The following DAB1 variants were observed in gnomAD, a reference collection of about 807,000 sequenced individuals.
DAB1 encodes disabled homolog 1.
DAB1 carries 15 observed loss-of-function variants against 64.6 expected under a neutral mutation model. The ratio of observed to expected loss-of-function variants is 0.23; its 90% CI spans 0.16 to 0.36. The LOEUF (loss-of-function observed/expected upper bound fraction) is 0.36. Among genes scored for constraint, DAB1 ranks in the 10% least tolerant of loss-of-function variants. The pLI is 1.00. For missense variants in DAB1, 596 were observed against 706.7 expected (o/e 0.84, Z 1.78); for synonymous variants, 235 against 251.9 (o/e 0.93, Z 0.64).
chr1:57,615,572 C>T (rs945868989), intron 7 of DAB1, among the ~76,000 whole-genome samples: 5 of 152,292 alleles, frequency 3.3e-5, no homozygotes, highest in South Asian at 4.1e-4. Context: ...CTACTTGGAA[C>T]TGTAACTAAT....
At chr1:58,148,525 T>C (rs1194701954) in intron 5 of DAB1, among the ~76,000 whole-genome samples, 2 of 152,240 alleles carry the variant, frequency 1.3e-5, no homozygotes, top group African/African-American at 2.4e-5. Context: ...TCGATCATTG[T>C]ATTAGTCCAT....
intron 2 of DAB1, among the ~76,000 whole-genome samples, chr1:57,146,504 G>A (rs1659150809): frequency 6.6e-6 from 1 of 152,098 alleles, no homozygotes; most frequent in South Asian, 2.1e-4. Context: ...AGATAATTCA[G>A]CCTGTTTCCC....
At chr1:58,535,469 G>C (rs890497210) in intron 1 of DAB1, among the ~76,000 whole-genome samples, 1 of 151,832 alleles carries the variant, frequency 6.6e-6, no homozygotes, top group Non-Finnish European at 1.5e-5. Context: ...GGTGGCGCAC[G>C]CCTGTAGTCC....
chr1:58,500,446 T>C (rs553644903), intron 3 of DAB1, among the ~76,000 whole-genome samples: 19 of 152,306 alleles, frequency 1.2e-4, no homozygotes, highest in African/African-American at 4.6e-4. Context: ...ATTTACTTTG[T>C]CCAATTATAA....
intron 1 of DAB1, among the ~76,000 whole-genome samples, chr1:57,379,996 T>C (rs1424284043): frequency 9.2e-5 from 14 of 152,238 alleles, no homozygotes; most frequent in Admixed American, 9.2e-4. Flanking sequence ...GTGTGGCACA[T>C]AGTAAACACT....
intron 7 of DAB1, among the ~76,000 whole-genome samples, chr1:57,459,362 G>A (rs1433076557): frequency 1.3e-5 from 2 of 152,138 alleles, no homozygotes; most frequent in African/African-American, 4.8e-5. Context: ...GGTATTAGAT[G>A]TTTGCAGTTT....
At chr1:58,536,871 C>T (rs1054640634) in intron 1 of DAB1, 15 of 587,434 alleles carry the variant, frequency 2.6e-5, no homozygotes, top group African/African-American at 5.7e-5. Context: ...CTGAATACAT[C>T]GCTTTTCCAA....
chr1:58,070,601 A>G (rs1649174565), intron 5 of DAB1, among the ~76,000 whole-genome samples: 1 of 152,216 alleles, frequency 6.6e-6, no homozygotes, highest in Non-Finnish European at 1.5e-5. Flanking sequence ...AACTGAGTTC[A>G]TTTGAGAAGG....
chr1:57,692,105 C>T (rs1025221677), intron 6 of DAB1, among the ~76,000 whole-genome samples: 4 of 151,868 alleles, frequency 2.6e-5, no homozygotes, highest in Non-Finnish European at 4.4e-5. Context: ...TGATTGACCC[C>T]GTGGCCACAA....
intron 4 of DAB1, among the ~76,000 whole-genome samples, chr1:58,225,513 G>A (rs1050162072): frequency 3.4e-4 from 51 of 151,832 alleles, no homozygotes; most frequent in African/African-American, 8.7e-4. Context: ...ACATGCACAC[G>A]TATGTTTATT....
intron 7 of DAB1, among the ~76,000 whole-genome samples, chr1:57,496,021 A>C (rs1644225850): frequency 6.6e-6 from 1 of 152,224 alleles, no homozygotes; most frequent in Admixed American, 6.5e-5. Context: ...ACCAGATATA[A>C]GAATGATTGA....
chr1:57,905,637 G>A (rs6699475), intron 5 of DAB1, among the ~76,000 whole-genome samples: 36,253 of 152,052 alleles, frequency 0.24, 4,852 homozygotes, highest in Non-Finnish European at 0.29. Context: ...CTGGGCTAGA[G>A]ATGTAAACTT....
At chr1:57,693,443 C>T (rs1470923066) in intron 6 of DAB1, among the ~76,000 whole-genome samples, 1 of 152,180 alleles carries the variant, frequency 6.6e-6, no homozygotes, top group Non-Finnish European at 1.5e-5. Context: ...CCAATCAGCA[C>T]TCTGTGTCTA....
intron 3 of DAB1, among the ~76,000 whole-genome samples, chr1:58,427,811 G>A (rs1034246260): frequency 3.9e-5 from 6 of 152,034 alleles, no homozygotes; most frequent in Admixed American, 2.0e-4. Context: ...TCAGGGGAGA[G>A]GCCTGAAATA....
intron 6 of DAB1, among the ~76,000 whole-genome samples, chr1:57,747,282 T>C (rs1183044640): frequency 6.6e-6 from 1 of 152,008 alleles, no homozygotes; most frequent in East Asian, 1.9e-4. Flanking sequence ...CTTGGAAGAG[T>C]AGGGTTGTCC....
intron 4 of DAB1, among the ~76,000 whole-genome samples, chr1:58,193,632 G>A (rs921998684): frequency 6.6e-6 from 1 of 152,152 alleles, no homozygotes; most frequent in African/African-American, 2.4e-5. Flanking sequence ...GAGGCGGGTG[G>A]ATCACCTGAG....
intron 4 of DAB1, among the ~76,000 whole-genome samples, chr1:58,320,302 G>A (rs769999361): frequency 6.6e-6 from 1 of 152,236 alleles, no homozygotes; most frequent in Non-Finnish European, 1.5e-5. Flanking sequence ...TCAGCAGTAT[G>A]AGTGAGAAAC....
At chr1:58,472,440 A>G (rs17498811) in intron 3 of DAB1, among the ~76,000 whole-genome samples, 12,323 of 152,262 alleles carry the variant, frequency 0.081, 531 homozygotes, top group Middle Eastern at 0.16. Context: ...AGCACTTTTC[A>G]TAAGTCTTGC....
chr1:57,934,811 C>A (rs1645003250), intron 5 of DAB1, among the ~76,000 whole-genome samples: 1 of 152,196 alleles, frequency 6.6e-6, no homozygotes, highest in South Asian at 2.1e-4. Context: ...ATCTTTCTCT[C>A]TGCATTTGCC....
Sources: allele counts gnomAD v4.1 joint callset (sites outside exome capture counted in the v4.1 genomes callset), GRCh38; gene constraint gnomAD v4.1.1; transcripts MANE v1.5; gene names NCBI Gene and HGNC (gene_info 2026-07-23, HGNC 2026-07-21).